The following SLC12A8 variants were observed in gnomAD, a reference collection of about 807,000 sequenced individuals.
SLC12A8 encodes solute carrier family 12 member 8.
In SLC12A8, 69 loss-of-function variants were observed where a neutral mutation model predicts 75.6. The ratio of observed to expected loss-of-function variants is 0.91; its 90% CI spans 0.75 to 1.11. The LOEUF (loss-of-function observed/expected upper bound fraction) is 1.11. Ranked by LOEUF, SLC12A8 falls within the 50% of genes most tolerant of loss-of-function variation. The pLI is 0.00. For synonymous variants in SLC12A8, 365 were observed against 372.8 expected, an observed-to-expected ratio of 0.98 and a Z score of 0.24; for missense variants, 877 against 896.7, an observed-to-expected ratio of 0.98 and a Z score of 0.28.
chr3:125,138,919 A>G (rs1413483266), intron 5 of SLC12A8, among the ~76,000 whole-genome samples: 1 of 151,712 alleles, frequency 6.6e-6, no homozygotes, highest in African/African-American at 2.4e-5. Flanking sequence ...GCTACTCAAG[A>G]GGCTGGGGTG....
chr3:125,142,043 G>C (rs1179221832), intron 5 of SLC12A8, among the ~76,000 whole-genome samples: 1 of 152,214 alleles, frequency 6.6e-6, no homozygotes, highest in Non-Finnish European at 1.5e-5. Context: ...GCGCACGCAA[G>C]ACCTCGCACC....
chr3:125,102,640 G>A (rs1356305454), intron 10 of SLC12A8, among the ~76,000 whole-genome samples: 3 of 152,254 alleles, frequency 2.0e-5, no homozygotes, highest in African/African-American at 7.2e-5. Context: ...GGAATGGTCA[G>A]CAACACCTAT....
Position 125,107,464 on chromosome 3 carries a change from G to T in SLC12A8, c.1705+17C>A. 1 of 1,590,300 alleles carries T rather than the reference G, an allele frequency of 6.3e-7. No individual in the cohort carries two copies. The highest frequency in any genetic ancestry group is 8.6e-7 in the Non-Finnish European group (1 of 1,163,342). On this transcript the variant is annotated intron_variant, in intron 10 of 13. Coordinates refer to ENST00000469902, the MANE Select transcript of SLC12A8 (RefSeq NM_024628.6). The stretch of plus-strand genomic sequence containing the variant: ...ATCCCCAAATAAGAGGCCCCAGTGT[G>T]ATACCAGAGCACTCACCTTCTCCAC...
chr3:125,110,912 C>T (rs1313986481), intron 8 of SLC12A8, among the ~76,000 whole-genome samples: 1 of 152,144 alleles, frequency 6.6e-6, no homozygotes, highest in Non-Finnish European at 1.5e-5. Context: ...TCTTTAGCTC[C>T]ACACCCTGCA....
At chr3:125,128,969 C>G (rs1234533974) in intron 6 of SLC12A8, among the ~76,000 whole-genome samples, 1 of 152,138 alleles carries the variant, frequency 6.6e-6, no homozygotes, top group Non-Finnish European at 1.5e-5. Flanking sequence ...TGTACATGAG[C>G]AGGAGAGAGG....
At chr3:125,133,363 GCACA>G (rs796125895) in intron 6 of SLC12A8, among the ~76,000 whole-genome samples, 94 of 125,310 alleles carry the variant, frequency 7.5e-4, no homozygotes, top group African/African-American at 2.5e-3. Context: ...ACACACACAC[GCACA>G]CACACACACA....
At chr3:125,085,118 AG>A (rs1938425644) in intron 13 of SLC12A8, among the ~76,000 whole-genome samples, 1 of 152,250 alleles carries the variant, frequency 6.6e-6, no homozygotes. Context: ...TAAATCATAT[AG>A]GTCTCTGAGG....
chr3:125,203,364 C>G lies in SLC12A8; in HGVS notation c.51+7935G>C, dbSNP rs569962067. Among the ~76,000 whole-genome samples the G allele has an allele frequency of 9.7e-4, 147 of 152,222 alleles. 1 individual carries two copies. Among genetic ancestry groups the G allele is most frequent in the South Asian group, 1.2e-3 (6 of 4,826 alleles). On this transcript the variant is annotated intron_variant, in intron 2 of 13. Transcript: ENST00000469902. ...TACTACAAAGCCATGGTAGCCAAAA[C>G]AGCATGATATTGGTATAGAAACAGA...
At chr3:125,133,093 T>C (rs982298833) in intron 6 of SLC12A8, among the ~76,000 whole-genome samples, 1 of 151,734 alleles carries the variant, frequency 6.6e-6, no homozygotes, top group Non-Finnish European at 1.5e-5. Context: ...GAGAGTTGAG[T>C]AGGGGATACA....
chr3:125,169,645 T>G (rs681268), intron 5 of SLC12A8, among the ~76,000 whole-genome samples: 136,882 of 152,182 alleles, frequency 0.9, 62,016 homozygotes, highest in Admixed American at 0.95. Flanking sequence ...CCCGAACTGA[T>G]GCAGCCGGGC....
At chr3:125,202,185 C>A (rs1014254781) in intron 2 of SLC12A8, among the ~76,000 whole-genome samples, 2 of 152,382 alleles carry the variant, frequency 1.3e-5, no homozygotes, top group Admixed American at 1.3e-4. Flanking sequence ...GCTGGGATTA[C>A]TGGCATGAGC....
intron 2 of SLC12A8, among the ~76,000 whole-genome samples, chr3:125,208,446 T>C (rs1935267377): frequency 6.6e-6 from 1 of 152,114 alleles, no homozygotes; most frequent in Non-Finnish European, 1.5e-5. Context: ...CTCCCCTTAG[T>C]TTAATTATTA....
intron 1 of SLC12A8, among the ~76,000 whole-genome samples, chr3:125,212,406 GC>G (rs1040028195): frequency 4.0e-4 from 60 of 151,836 alleles, no homozygotes; most frequent in Non-Finnish European, 7.7e-4. Context: ...TCCGCAGGCC[GC>G]CCCGCAGGCC....
intron 8 of SLC12A8, among the ~76,000 whole-genome samples, chr3:125,114,222 T>C (rs1019375911): frequency 1.3e-5 from 2 of 152,266 alleles, no homozygotes; most frequent in Non-Finnish European, 2.9e-5. Flanking sequence ...GTGTCCACGA[T>C]GGAGGGCAGA....
intron 10 of SLC12A8, among the ~76,000 whole-genome samples, chr3:125,099,765 C>T (rs532678796): frequency 6.6e-6 from 1 of 152,170 alleles, no homozygotes; most frequent in South Asian, 2.1e-4. Context: ...CCCATCTCTA[C>T]TAAAAATAAA....
chr3:125,148,769 G>T (rs375306110), intron 5 of SLC12A8, among the ~76,000 whole-genome samples: 2 of 152,212 alleles, frequency 1.3e-5, no homozygotes, highest in South Asian at 2.1e-4. Flanking sequence ...ACCCAAATGT[G>T]AGTGACTTGA....
chr3:125,149,252 C>G (rs1933861974), intron 5 of SLC12A8, among the ~76,000 whole-genome samples: 1 of 152,242 alleles, frequency 6.6e-6, no homozygotes, highest in African/African-American at 2.4e-5. Context: ...TGACCAGGTC[C>G]CACGGCCTCT....
intron 5 of SLC12A8, among the ~76,000 whole-genome samples, chr3:125,174,288 T>G (rs141386712): frequency 9.3e-4 from 141 of 152,330 alleles, no homozygotes; most frequent in African/African-American, 3.3e-3. Flanking sequence ...GATATTACTA[T>G]GCATCTACTA....
chr3:125,122,091 T>TA (rs1933074458), intron 6 of SLC12A8, among the ~76,000 whole-genome samples: 2 of 152,244 alleles, frequency 1.3e-5, no homozygotes, highest in African/African-American at 4.8e-5. Flanking sequence ...CAGAATATTG[T>TA]AAGGGATATG....
Sources: gnomAD v4.1 joint callset for allele counts (sites outside exome capture counted in the v4.1 genomes callset) on GRCh38, gnomAD v4.1.1 for gene constraint, MANE v1.5 for transcripts, NCBI Gene and HGNC (gene_info 2026-07-23, HGNC 2026-07-21) for gene names.